The following USP44 variants were observed in gnomAD, a reference collection of about 807,000 sequenced individuals.
The protein encoded by USP44 is ubiquitin carboxyl-terminal hydrolase 44.
A neutral mutation model predicts 69.0 loss-of-function variants in USP44; 61 were observed. The ratio of observed to expected loss-of-function variants is 0.88; its 90% CI spans 0.72 to 1.09. The LOEUF (loss-of-function observed/expected upper bound fraction) is 1.09. USP44 is among the 50% of genes least tolerant of loss of function. The pLI, the probability that USP44 is intolerant of heterozygous loss-of-function variation, is 0.00. For missense variants in USP44, 753 were observed against 849.9 expected (o/e 0.89, Z 1.42); for synonymous variants, 297 against 295.4 (o/e 1.01, Z -0.06).
chr12:95,521,066 C>G lies in USP44; in HGVS notation c.1870G>C (p.Val624Leu). Residue 624 changes from valine (V) to leucine (L), a missense_variant, in exon 5 of 6, where the codon GTG becomes CTG. Val to Leu is a conservative substitution (Grantham distance 32). Transcript: ENST00000258499. ...AATCCTTTCCCATGGTGCATCACCA[C>G]CGCGGACAAGTCATAGATAAAGCAT... ...PECFIYDLSAVVMHHGKGFGS... is the reference protein window; with the variant it reads ...PECFIYDLSALVMHHGKGFGS... The G allele has an allele frequency of 6.2e-7, 1 of 1,614,196 alleles. No individual in the cohort carries two copies. The highest frequency in any genetic ancestry group is 8.5e-7 in the Non-Finnish European group (1 of 1,180,044).
intron 1 of USP44, among the ~76,000 whole-genome samples, chr12:95,541,575 G>A (rs2077391444): frequency 6.6e-6 from 1 of 151,896 alleles, no homozygotes; most frequent in South Asian, 2.1e-4. Flanking sequence ...GCAAGACCCT[G>A]TCTCAAAAAA....
chr12:95,543,966 CAAAAAAA>C (rs760105964), intron 1 of USP44, among the ~76,000 whole-genome samples: 5 of 47,688 alleles, frequency 1.0e-4, no homozygotes, highest in Admixed American at 4.3e-4. Flanking sequence ...GACTGCATCT[CAAAAAAA>C]AAAAAAAAAA....
intron 3 of USP44, among the ~76,000 whole-genome samples, chr12:95,525,504 GA>G (rs959825678): frequency 3.3e-5 from 5 of 151,050 alleles, no homozygotes; most frequent in African/African-American, 1.2e-4. Context: ...AAAGAAAAAA[GA>G]AAAAAAAAGT....
intron 4 of USP44, among the ~76,000 whole-genome samples, chr12:95,523,501 T>A (rs1165176058): frequency 1.3e-5 from 2 of 152,042 alleles, no homozygotes; most frequent in Non-Finnish European, 2.9e-5. Context: ...TAAGCAGAGG[T>A]CACATTCGTA....
At chr12:95,525,195 C>T (rs951209529) in intron 3 of USP44, among the ~76,000 whole-genome samples, 6 of 152,214 alleles carry the variant, frequency 3.9e-5, no homozygotes, top group African/African-American at 1.4e-4. Flanking sequence ...CCTCAGCCTC[C>T]CATGTAACTG....
intron 2 of USP44, among the ~76,000 whole-genome samples, chr12:95,530,857 T>TA: frequency 6.6e-6 from 1 of 152,106 alleles, no homozygotes; most frequent in Non-Finnish European, 1.5e-5. Context: ...GGGGAATGGT[T>TA]AAGTTACGGT....
rs1395564952 is a variant in USP44, at chr12:95,524,422, AG to A, written c.1733+257del. 2.3e-5 allele frequency: 5 copies of A among 217,950 alleles called. No individual in the cohort carries two copies. In the Admixed American group the frequency reaches 2.4e-4, roughly 10 times the overall value. The allele number at this position is 217,950 out of a possible 1,614,324, so 13.5% of individuals were successfully genotyped here. Reference sequence around the variant, plus strand: ...CCATGTGGGTGGATCGCTTGAGCCCAGGAGTTTGAGACCAGCCTGGGCAACA... The same window carrying A: ...CCATGTGGGTGGATCGCTTGAGCCCAGAGTTTGAGACCAGCCTGGGCAACA... On this transcript the variant is annotated intron_variant, in intron 4 of 5. Coordinates refer to ENST00000258499, the MANE Select transcript of USP44 (RefSeq NM_032147.5).
At chr12:95,542,222 T>C (rs951558089) in intron 1 of USP44, among the ~76,000 whole-genome samples, 9 of 152,216 alleles carry the variant, frequency 5.9e-5, no homozygotes, top group Admixed American at 2.6e-4. Context: ...GCTAACATTA[T>C]GCCAACTTGC....
chr12:95,533,913 C>T lies in USP44; in HGVS notation c.344G>A (p.Arg115His), dbSNP rs375010013. The T allele has an allele frequency of 1.7e-4, 271 of 1,614,180 alleles. 1 individual carries two copies. The highest frequency in any genetic ancestry group is 2.1e-4 in the Non-Finnish European group (242 of 1,180,032). Residue 115 changes from arginine to histidine, a missense_variant, in exon 2 of 6, where the codon CGT becomes CAT. Coordinates refer to ENST00000258499, the MANE Select transcript of USP44 (RefSeq NM_032147.5). ...CATGGACCGTAAAAACCTCCCACTA[C>T]GAGTTGTGCAGTGATAATTTTGACT... ...IKSQNYHCTT[R>H]SGRFLRSMGT...
chr12:95,549,074 G>T (rs1446128694), intron 1 of USP44, among the ~76,000 whole-genome samples: 1 of 152,230 alleles, frequency 6.6e-6, no homozygotes, highest in African/African-American at 2.4e-5. Context: ...CGGGACACGG[G>T]AGGGTAAACC....
intron 2 of USP44, among the ~76,000 whole-genome samples, chr12:95,529,429 CT>C (rs537451703): frequency 1.2e-3 from 169 of 145,056 alleles, no homozygotes; most frequent in Admixed American, 1.2e-3. Flanking sequence ...TTTCTTTCAT[CT>C]TTTTTTTTTT....
chr12:95,521,060 T>C lies in USP44; in HGVS notation c.1876A>G (p.Met626Val). ...GAGCCAAATCCTTTCCCATGGTGCA[T>C]CACCACCGCGGACAAGTCATAGATA... ...CFIYDLSAVVMHHGKGFGSGH... is the reference protein window; with the variant it reads ...CFIYDLSAVVVHHGKGFGSGH... The change falls in exon 5 of 6, where the codon ATG becomes GTG. Residue 626 changes from methionine to valine, a missense_variant. By Grantham distance (21) the Met-to-Val change is conservative. Transcript: ENST00000258499. 3.1e-6 allele frequency: 5 copies of C among 1,614,162 alleles called. No individual in the cohort carries two copies. The highest frequency in any genetic ancestry group is 4.2e-6 in the Non-Finnish European group (5 of 1,180,024).
Position 95,532,994 on chromosome 12 carries a change from T to C in USP44, c.1263A>G (p.Gln421=), listed in dbSNP as rs1454149299. ...RLIPAFRGYA[Q]QDAQEFLCEL... The stretch of plus-strand genomic sequence containing the variant: ...CACAAAGAAATTCCTGAGCGTCTTG[T>C]TGGGCGTAACCACGAAAGGCAGGAA... Residue 421 remains glutamine (Q), a synonymous_variant, in exon 2 of 6, where the codon CAA becomes CAG. Coordinates refer to ENST00000258499, the MANE Select transcript of USP44 (RefSeq NM_032147.5). 6.2e-7 allele frequency: 1 copy of C among 1,614,092 alleles called. No homozygotes were observed. Among genetic ancestry groups the C allele is most frequent in the African/African-American group, 1.3e-5 (1 of 74,932 alleles).
chr12:95,535,019 A>G (rs1192904803), intron 1 of USP44, among the ~76,000 whole-genome samples: 3 of 152,112 alleles, frequency 2.0e-5, no homozygotes, highest in African/African-American at 4.8e-5. Context: ...ACCCAAATAT[A>G]TCTCACTAAT....
intron 5 of USP44, among the ~76,000 whole-genome samples, chr12:95,519,445 T>C (rs1242298945): frequency 7.3e-6 from 1 of 137,308 alleles, no homozygotes; most frequent in East Asian, 2.1e-4. Flanking sequence ...TTTTTTTTTT[T>C]TTTTTTTTTT....
Position 95,517,700 on chromosome 12 carries a change from G to C in USP44, c.*454C>G, listed in dbSNP as rs2076518050. 6.4e-6 allele frequency: 1 copy of C among 155,708 alleles called. No homozygotes were observed. Among genetic ancestry groups the C allele is most frequent in the Admixed American group, 6.3e-5 (1 of 15,952 alleles). The allele number at this position is 155,708 out of a possible 1,614,324, so 9.6% of individuals were successfully genotyped here. ...CTGAAGAATATTTAGGTGATACCTT[G>C]ACATGTCACTTCAATAACTCCAAGG... On this transcript the variant is annotated 3_prime_UTR_variant, in exon 6 of 6. Transcript: ENST00000258499.
intron 4 of USP44, chr12:95,522,218 A>C: frequency 4.0e-6 from 2 of 498,328 alleles, no homozygotes; most frequent in Non-Finnish European, 5.2e-6. Flanking sequence ...AAAATATAGT[A>C]GTAAAGTACT....
chr12:95,522,026 C>T (rs1214704084), intron 4 of USP44: 1 of 985,146 alleles, frequency 1.0e-6, no homozygotes, highest in Non-Finnish European at 1.2e-6. Flanking sequence ...TGCCCTTACC[C>T]TGTTATTTTC....
chr12:95,540,492 G>T (rs954325837), intron 1 of USP44, among the ~76,000 whole-genome samples: 2 of 151,920 alleles, frequency 1.3e-5, no homozygotes, highest in African/African-American at 4.8e-5. Context: ...ACAGGCACAT[G>T]CCACCACGCA....
Sources: allele counts gnomAD v4.1 joint callset (sites outside exome capture counted in the v4.1 genomes callset), GRCh38; gene constraint gnomAD v4.1.1; transcripts MANE v1.5; gene names NCBI Gene and HGNC (gene_info 2026-07-23, HGNC 2026-07-21).